DTX3L: variants seen among roughly 807,000 people sequenced by gnomAD.
DTX3L encodes the protein E3 ubiquitin-protein ligase DTX3L.
In DTX3L, 34 loss-of-function variants were observed where a neutral mutation model predicts 60.9. That is an observed-to-expected ratio of 0.56 (90% CI 0.42 to 0.74). The LOEUF is 0.74. Ranked by LOEUF, DTX3L falls within the 30% of genes least tolerant of loss-of-function variation. The probability of loss-of-function intolerance (pLI) is 0.00; values close to 1 mark genes in which losing one functional copy is unlikely to be tolerated. For synonymous variants in DTX3L, 290 were observed against 316.6 expected (o/e 0.92, Z 0.89); for missense variants, 810 against 874.0 (o/e 0.93, Z 0.92).
At position 122,569,320 on chromosome 3, in the gene DTX3L, G is replaced by A. The variant is rs769441110; in HGVS notation, c.1231G>A (p.Glu411Lys). The change falls in exon 3 of 5, where the codon GAG (glutamate) becomes AAG (lysine). Residue 411 changes from glutamate (E) to lysine (K), a missense_variant. Glu to Lys is a moderately conservative substitution (Grantham distance 56, BLOSUM62 1). Transcript: ENST00000296161. Reference sequence around the variant, plus strand: ...GTATGACATTTGCAGCAAGGTTTCTGAGAAAGGTCAGAAAACCTGCATTCT... The same window carrying A: ...GTATGACATTTGCAGCAAGGTTTCTAAGAAAGGTCAGAAAACCTGCATTCT... ...KRYDICSKVS[E>K]KGQKTCILFE... 2 of 1,614,188 alleles carry A rather than the reference G, an allele frequency of 1.2e-6. No homozygotes were observed. Among genetic ancestry groups the A allele is most frequent in the Non-Finnish European group, 1.7e-6 (2 of 1,180,044 alleles).
chr3:122,569,826 T>A lies in DTX3L; in HGVS notation c.1737T>A (p.His579Gln). Residue 579 changes from histidine to glutamine, a missense_variant, in exon 3 of 5, where the codon CAT becomes CAA. Physicochemically the swap from His to Gln is conservative, Grantham distance 24. Coordinates refer to ENST00000296161, the MANE Select transcript of DTX3L (RefSeq NM_138287.3). ...SNKKVLPKCK[H>Q]EFCAPCINKA... is the part of the protein sequence containing the mutation. ...AAAAAGTGCTACCAAAGTGCAAGCATGAATTCTGCGCCCCTTGTATCAACA... is the reference window on the plus strand; with the variant it reads ...AAAAAGTGCTACCAAAGTGCAAGCAAGAATTCTGCGCCCCTTGTATCAACA... 2.5e-6 allele frequency: 4 copies of A among 1,614,164 alleles called. No individual in the cohort carries two copies. Among genetic ancestry groups the A allele is most frequent in the Non-Finnish European group, 3.4e-6 (4 of 1,180,026 alleles).
chr3:122,565,368 C>T (rs1055342115), intron 1 of DTX3L, among the ~76,000 whole-genome samples: 42 of 151,726 alleles, frequency 2.8e-4, no homozygotes, highest in African/African-American at 9.2e-4. Context: ...AAAAATTACC[C>T]GGGCATGGTG....
In DTX3L at chr3:122,568,938, A is replaced by G; in HGVS notation, c.849A>G (p.Arg283=). ...TCTGTTTAGATTTCACCTCAAGTCG[A>G]TCAGGTGACCTGGAAGCAGCTCGTG... is the stretch of plus-strand genomic sequence containing the variant. ...NMVCLDFTSS[R]SGDLEAARES... Residue 283 remains arginine (R), a synonymous_variant, in exon 3 of 5, where the codon CGA becomes CGG. Coordinates refer to ENST00000296161, the MANE Select transcript of DTX3L (RefSeq NM_138287.3). 1 of 1,614,162 alleles carries G rather than the reference A, an allele frequency of 6.2e-7. No homozygotes were observed. The highest frequency in any genetic ancestry group is 8.5e-7 in the Non-Finnish European group (1 of 1,180,036).
chr3:122,569,520 A>T lies in DTX3L; in HGVS notation c.1431A>T (p.Arg477Ser), dbSNP rs1021814380. The T allele has an allele frequency of 6.2e-7, 1 of 1,614,250 alleles. No homozygotes were observed. The highest frequency in any genetic ancestry group is 1.3e-5 in the African/African-American group (1 of 75,072). ...AGTTTGCTGATGACTTTAGAAAAAG[A>T]CATCCAAATGTACACTTTGTGCTAA... ...QTKFADDFRK[R>S]HPNVHFVLNQ... is the part of the protein sequence containing the mutation. Residue 477 changes from arginine (R) to serine (S), a missense_variant, in exon 3 of 5, where the codon AGA (arginine) becomes AGT (serine). Coordinates refer to ENST00000296161, the MANE Select transcript of DTX3L (RefSeq NM_138287.3).
In DTX3L at chr3:122,570,491, A is replaced by G. The variant is rs2080637337; in HGVS notation, c.1972A>G (p.Ile658Val). The part of the protein sequence containing the change: ...HPNPGKRYPG[I>V]QRTAYLPDNK... The stretch of plus-strand genomic sequence containing the variant: ...AAACCCAGGAAAGAGATACCCTGGA[A>G]TACAGCGAACTGCATACTTGCCTGA... Residue 658 changes from isoleucine (I) to valine (V), a missense_variant, in exon 4 of 5, where the codon ATA (isoleucine) becomes GTA (valine). By Grantham distance (29) the Ile-to-Val change is conservative (BLOSUM62 3). Coordinates refer to ENST00000296161, the MANE Select transcript of DTX3L (RefSeq NM_138287.3). The G allele has an allele frequency of 6.2e-7, 1 of 1,614,092 alleles. No homozygotes were observed. Among genetic ancestry groups the G allele is most frequent in the African/African-American group, 1.3e-5 (1 of 74,942 alleles).
In DTX3L at chr3:122,570,560, T is replaced by G. The variant is rs1430297655; in HGVS notation, c.2041T>G (p.Phe681Val). 6.2e-7 allele frequency: 1 copy of G among 1,614,184 alleles called. No individual in the cohort carries two copies. Among genetic ancestry groups the G allele is most frequent in the Non-Finnish European group, 8.5e-7 (1 of 1,180,038 alleles). Residue 681 changes from phenylalanine to valine, a missense_variant, in exon 4 of 5, where the codon TTT (phenylalanine) becomes GTT (valine). By Grantham distance (50) the Phe-to-Val change is conservative. Coordinates refer to ENST00000296161, the MANE Select transcript of DTX3L (RefSeq NM_138287.3). The part of the protein sequence containing the change: ...RKVLKLLYRA[F>V]DQKLIFTVGY... ...GGTTTTGAAACTGCTTTATAGGGCC[T>G]TTGACCAAAAGCTGATTTTTACAGT... is the stretch of plus-strand genomic sequence containing the variant.
intron 1 of DTX3L, among the ~76,000 whole-genome samples, chr3:122,565,611 T>A (rs558983355): frequency 1.3e-4 from 19 of 151,414 alleles, no homozygotes; most frequent in East Asian, 1.9e-4. Flanking sequence ...AGAAACATGA[T>A]GTTTAATCGG....
At position 122,568,501 on chromosome 3, in the gene DTX3L, G is replaced by A. The variant is rs200706639; in HGVS notation, c.412G>A (p.Val138Ile). ...TTTAAAATTTCAGATCTTTCTTACT[G>A]TAACAGCTGACCTGAACTGTAACCT... ...DSCLQKIFLT[V>I]TADLNCNLFS... Residue 138 changes from valine (V) to isoleucine (I), a missense_variant, in exon 3 of 5, where the codon GTA (valine) becomes ATA (isoleucine). Transcript: ENST00000296161. 3 of 1,598,270 alleles carry A rather than the reference G, an allele frequency of 1.9e-6. No individual in the cohort carries two copies. The highest frequency in any genetic ancestry group is 1.3e-5 in the African/African-American group (1 of 74,088).
intron 1 of DTX3L, among the ~76,000 whole-genome samples, chr3:122,564,896 T>C (rs2080532881): frequency 6.6e-6 from 1 of 152,204 alleles, no homozygotes; most frequent in South Asian, 2.1e-4. Flanking sequence ...GCTGTCATCT[T>C]CCTTCCCCCA....
Position 122,569,842 on chromosome 3 carries a change from T to G in DTX3L, c.1753T>G (p.Cys585Gly). The change falls in exon 3 of 5, where the codon TGT becomes GGT. Residue 585 changes from cysteine to glycine, a missense_variant. Physicochemically the swap from Cys to Gly is radical, Grantham distance 159. Coordinates refer to ENST00000296161, the MANE Select transcript of DTX3L (RefSeq NM_138287.3). ...GTGCAAGCATGAATTCTGCGCCCCT[T>G]GTATCAACAAAGCCATGTCATATAA... ...PKCKHEFCAP[C>G]INKAMSYKPI... 1 of 1,614,130 alleles carries G rather than the reference T, an allele frequency of 6.2e-7. No individual in the cohort carries two copies. Among genetic ancestry groups the G allele is most frequent in the Non-Finnish European group, 8.5e-7 (1 of 1,180,018 alleles).
Position 122,568,911 on chromosome 3 carries a change from G to A in DTX3L, c.822G>A (p.Met274Ile). ...NIEIQESSPN[M>I]VCLDFTSSRS... Reference sequence around the variant, plus strand: ...AAATCCAGGAGAGTTCTCCAAATATGGTCTGTTTAGATTTCACCTCAAGTC... The same window carrying A: ...AAATCCAGGAGAGTTCTCCAAATATAGTCTGTTTAGATTTCACCTCAAGTC... The change falls in exon 3 of 5, where the codon ATG becomes ATA. Residue 274 changes from methionine (M) to isoleucine (I), a missense_variant. Coordinates refer to ENST00000296161, the MANE Select transcript of DTX3L (RefSeq NM_138287.3). 6.2e-7 allele frequency: 1 copy of A among 1,614,046 alleles called. No homozygotes were observed. The highest frequency in any genetic ancestry group is 8.5e-7 in the Non-Finnish European group (1 of 1,180,020).
Position 122,569,931 on chromosome 3 carries a change from C to T in DTX3L, c.1842C>T (p.Ser614=). 1.2e-6 allele frequency: 2 copies of T among 1,614,086 alleles called. No individual in the cohort carries two copies. Among genetic ancestry groups the T allele is most frequent in the African/African-American group, 2.7e-5 (2 of 75,044 alleles). ...GIQKGNQPEG[S]MVFTVSRDSL... The stretch of plus-strand genomic sequence containing the variant: ...AGAAAGGAAATCAGCCAGAGGGAAG[C>T]ATGGTTTTCACTGTTTCAAGAGACT... Residue 614 remains serine, a synonymous_variant, in exon 3 of 5, where the codon AGC becomes AGT. Coordinates refer to ENST00000296161, the MANE Select transcript of DTX3L (RefSeq NM_138287.3).
In DTX3L at chr3:122,571,677, G is replaced by C. The variant is rs760493051; in HGVS notation, c.2154-1G>C. ...CACTAAAGGAATTTTTGTTTCTTCAGGTATGGCTATCCTGATCCTTCTTAC... is the reference window on the plus strand; with the variant it reads ...CACTAAAGGAATTTTTGTTTCTTCACGTATGGCTATCCTGATCCTTCTTAC... On this transcript the variant is annotated splice_acceptor_variant, in intron 4 of 4. Transcript: ENST00000296161. LOFTEE classifies it high-confidence loss of function. 1 of 1,610,588 alleles carries C rather than the reference G, an allele frequency of 6.2e-7. No homozygotes were observed. Among genetic ancestry groups the C allele is most frequent in the African/African-American group, 1.3e-5 (1 of 74,804 alleles).
Position 122,564,345 on chromosome 3 carries a change from T to C in DTX3L, c.-82T>C. The C allele has an allele frequency of 6.9e-7, 1 of 1,457,782 alleles. No individual in the cohort carries two copies. Among genetic ancestry groups the C allele is most frequent in the Non-Finnish European group, 9.2e-7 (1 of 1,091,598 alleles). 90.3% of individuals were successfully genotyped at this position (1,457,782 alleles called of 1,614,324 possible). A position where few individuals can be genotyped will look rare whatever the true frequency, so the allele number is the denominator to read the frequency against. ...CTCCAGGGAAGCGAAACTGAAACTT[T>C]GCGCCCAGTCCGCAGGGCGGGCCGC... On this transcript the variant is annotated 5_prime_UTR_variant, in exon 1 of 5. Coordinates refer to ENST00000296161, the MANE Select transcript of DTX3L (RefSeq NM_138287.3).
At chr3:122,565,714 A>G (rs1006718075) in intron 1 of DTX3L, 145 bp from the exon 2 acceptor site, 1 of 725,096 alleles carries the variant, frequency 1.4e-6, no homozygotes. Context: ...GACTTTCTCC[A>G]TCGCCAACCC....
chr3:122,566,062 C>T lies in DTX3L; in HGVS notation c.391C>T (p.Leu131Phe). ...TATTCCTAATGCTGTGGATTCCTGT[C>T]TCCAAAAGGTGAGTATTGAAAGAAG... ...GHIPNAVDSC[L>F]QKIFLTVTAD... is the part of the protein sequence containing the mutation. The change falls in exon 2 of 5, where the codon CTC becomes TTC. Residue 131 changes from leucine to phenylalanine, a missense_variant. Physicochemically the swap from Leu to Phe is conservative, Grantham distance 22. Transcript: ENST00000296161. 6.2e-7 allele frequency: 1 copy of T among 1,614,034 alleles called. No individual in the cohort carries two copies. Among genetic ancestry groups the T allele is most frequent in the Non-Finnish European group, 8.5e-7 (1 of 1,179,930 alleles).
intron 4 of DTX3L, among the ~76,000 whole-genome samples, chr3:122,571,260 C>T (rs1314426629): frequency 6.6e-6 from 1 of 152,012 alleles, no homozygotes. Flanking sequence ...ACGATGCCCC[C>T]CTAAAACACA....
chr3:122,564,826 C>G (rs1321475770), intron 1 of DTX3L, among the ~76,000 whole-genome samples: 1 of 152,236 alleles, frequency 6.6e-6, no homozygotes, highest in African/African-American at 2.4e-5. Context: ...TGGTGCGGGT[C>G]TGGCTGACGG....
At chr3:122,567,186 A>G (rs2080598341) in intron 2 of DTX3L, among the ~76,000 whole-genome samples, 1 of 152,132 alleles carries the variant, frequency 6.6e-6, no homozygotes, top group South Asian at 2.1e-4. Flanking sequence ...TTTGGGGCTG[A>G]AGGTAAGGAT....
Sources: allele counts gnomAD v4.1 joint callset (sites outside exome capture counted in the v4.1 genomes callset), GRCh38; gene constraint gnomAD v4.1.1; transcripts MANE v1.5; gene names NCBI Gene and HGNC (gene_info 2026-07-23, HGNC 2026-07-21).